Variants in UHRF2 observed in about 807,000 individuals in gnomAD.
UHRF2 encodes the protein E3 ubiquitin-protein ligase UHRF2.
In UHRF2, 23 loss-of-function variants were observed where a neutral mutation model predicts 96.8. The observed-to-expected ratio is 0.24, with a 90% CI of 0.17 to 0.34. The LOEUF (loss-of-function observed/expected upper bound fraction) is 0.34, where lower values mean the gene tolerates loss of function less well. UHRF2 is among the 10% of genes least tolerant of loss of function. The pLI, the probability that UHRF2 is intolerant of heterozygous loss-of-function variation, is 1.00. For missense variants in UHRF2, 685 were observed against 981.5 expected (o/e 0.70, Z 4.04); for synonymous variants, 385 against 332.6 (o/e 1.16, Z -1.72).
intron 3 of UHRF2, among the ~76,000 whole-genome samples, chr9:6,459,212 T>TA (rs1822370886): frequency 6.6e-6 from 1 of 151,998 alleles, no homozygotes; most frequent in African/African-American, 2.4e-5. Flanking sequence ...AACTTAAATT[T>TA]TAAAAAAAGA....
At chr9:6,431,089 T>TA (rs994508808) in intron 2 of UHRF2, among the ~76,000 whole-genome samples, 195 of 152,286 alleles carry the variant, frequency 1.3e-3, no homozygotes, top group African/African-American at 4.5e-3. Flanking sequence ...CAGGCCTAAG[T>TA]ATTTTTCCTC....
intron 2 of UHRF2, among the ~76,000 whole-genome samples, chr9:6,429,729 C>G (rs1249665270): frequency 6.6e-6 from 1 of 152,174 alleles, no homozygotes; most frequent in Non-Finnish European, 1.5e-5. Flanking sequence ...TGGGTTGGCA[C>G]GTTACATGAA....
intron 3 of UHRF2, among the ~76,000 whole-genome samples, chr9:6,449,878 G>C (rs1821746060): frequency 6.6e-6 from 1 of 152,174 alleles, no homozygotes; most frequent in Admixed American, 6.5e-5. Context: ...GAGGCATTAA[G>C]CATGCCCTGT....
chr9:6,464,953 C>T (rs370244324), intron 4 of UHRF2, among the ~76,000 whole-genome samples: 1 of 152,078 alleles, frequency 6.6e-6, no homozygotes, highest in Admixed American at 6.5e-5. Context: ...AGTAGCTTTA[C>T]TAGATTTACT....
intron 7 of UHRF2, 72 bp from the exon 8 acceptor site, chr9:6,481,920 C>G (rs1220290851): frequency 6.4e-7 from 1 of 1,563,994 alleles, no homozygotes; most frequent in Non-Finnish European, 8.7e-7. Context: ...TTCCTAGTCA[C>G]ATCTCAGAAT....
chr9:6,482,764 T>C (rs1475051249), intron 8 of UHRF2, among the ~76,000 whole-genome samples: 2 of 152,046 alleles, frequency 1.3e-5, no homozygotes, highest in Non-Finnish European at 2.9e-5. Context: ...GCCTGGCTAA[T>C]TTCTTGTATT....
At chr9:6,475,661 G>C (rs1362558556) in intron 5 of UHRF2, among the ~76,000 whole-genome samples, 161 bp downstream of exon 5, 1 of 152,024 alleles carries the variant, frequency 6.6e-6, no homozygotes, top group Non-Finnish European at 1.5e-5. Flanking sequence ...TTGTTTTAAT[G>C]AATTTTTCCT....
At chr9:6,496,213 A>T (rs183328844) in intron 10 of UHRF2, 11 of 152,268 alleles carry the variant, frequency 7.2e-5, no homozygotes, top group Admixed American at 6.5e-4. Context: ...ATTTTATGTC[A>T]TATCTGCTTT....
intron 3 of UHRF2, among the ~76,000 whole-genome samples, chr9:6,458,389 C>T (rs1374333953): frequency 6.6e-6 from 1 of 150,776 alleles, no homozygotes; most frequent in Admixed American, 6.6e-5. Flanking sequence ...CTCTTTTCTT[C>T]TATGTTAGTC....
At chr9:6,497,752 T>A (rs1825058022) in intron 11 of UHRF2, among the ~76,000 whole-genome samples, 1 of 152,216 alleles carries the variant, frequency 6.6e-6, no homozygotes, top group Non-Finnish European at 1.5e-5. Flanking sequence ...AGGCATTTGC[T>A]GCCATCTTTA....
intron 3 of UHRF2, chr9:6,434,391 A>G (rs961567853): frequency 2.2e-5 from 11 of 506,262 alleles, no homozygotes; most frequent in African/African-American, 5.8e-5. Context: ...TAGTATCACA[A>G]TACTGGCTTA....
intron 10 of UHRF2, 171 bp downstream of exon 10, chr9:6,494,103 T>G (rs1319154815): frequency 3.7e-6 from 2 of 546,836 alleles, no homozygotes; most frequent in East Asian, 5.9e-5. Flanking sequence ...TAACATATCT[T>G]TATACTGTTA....
intron 14 of UHRF2, chr9:6,504,252 CCT>C: frequency 3.0e-5 from 5 of 166,310 alleles, no homozygotes; most frequent in Admixed American, 1.2e-4. Context: ...GTGTCGATCT[CCT>C]GACCTTGTGA....
At chr9:6,468,673 T>TGGACTTC (rs1450358991) in intron 4 of UHRF2, 6 of 456,118 alleles carry the variant, frequency 1.3e-5, no homozygotes, top group Non-Finnish European at 2.2e-5. Context: ...GGTTGAATAC[T>TGGACTTC]GGACTTCTGC....
At chr9:6,499,766 A>T in intron 12 of UHRF2, 69 bp from the exon 13 acceptor site, 1 of 1,000,990 alleles carries the variant, frequency 1.0e-6, no homozygotes, top group Non-Finnish European at 1.4e-6. Context: ...ATTTCTCACC[A>T]GGATCTAAAC....
chr9:6,429,158 C>CT (rs1820435296), intron 2 of UHRF2, among the ~76,000 whole-genome samples: 1 of 148,642 alleles, frequency 6.7e-6, no homozygotes, highest in African/African-American at 2.6e-5. Flanking sequence ...GAGCAAGACT[C>CT]TGTCTCAGGA....
chr9:6,499,963 T>C, intron 13 of UHRF2, 32 bp downstream of exon 13: 1 of 1,446,038 alleles, frequency 6.9e-7, no homozygotes, highest in Admixed American at 1.8e-5. Flanking sequence ...TAAATAATAA[T>C]AACATACTTT....
rs113162526 is a variant in UHRF2, at chr9:6,498,236, A to T, written c.1908+78A>T. The T allele has an allele frequency of 1.4e-5, 20 of 1,463,164 alleles. 1 individual carries two copies. The African/African-American group carries it at 1.8e-4, about 13-fold the overall frequency. 90.6% of individuals were successfully genotyped at this position (1,463,164 alleles called of 1,614,324 possible). A position where few individuals can be genotyped will look rare whatever the true frequency, so the allele number is the denominator to read the frequency against. Reference sequence around the variant, plus strand: ...TTCTATCTACATGCCTTAACACTGGATATAACCCACAGCAATTGACTGGTG... The same window carrying T: ...TTCTATCTACATGCCTTAACACTGGTTATAACCCACAGCAATTGACTGGTG... On this transcript the variant is annotated intron_variant, in intron 12 of 15. Transcript: ENST00000276893.
At chr9:6,442,698 C>T (rs557719546) in intron 3 of UHRF2, among the ~76,000 whole-genome samples, 3 of 150,962 alleles carry the variant, frequency 2.0e-5, no homozygotes, top group African/African-American at 7.3e-5. Flanking sequence ...CACTTTGTTG[C>T]CCAGGCTGGT....
Sources: gnomAD v4.1 joint callset for allele counts (sites outside exome capture counted in the v4.1 genomes callset) on GRCh38, gnomAD v4.1.1 for gene constraint, MANE v1.5 for transcripts, NCBI Gene and HGNC (gene_info 2026-07-23, HGNC 2026-07-21) for gene names.